SAMD12: variants seen among roughly 807,000 people sequenced by gnomAD.
The protein encoded by SAMD12 is sterile alpha motif domain-containing protein 12.
In SAMD12, 9 loss-of-function variants were observed where a neutral mutation model predicts 15.0. The observed-to-expected ratio is 0.60, with a 90% confidence interval of 0.36 to 1.05. The LOEUF is 1.05. Ranked by LOEUF, SAMD12 falls within the 50% of genes least tolerant of loss-of-function variation. The pLI is 0.01. For synonymous variants in SAMD12, 86 were observed against 90.1 expected, an observed-to-expected ratio of 0.96 and a Z score of 0.25; for missense variants, 230 against 234.2, an observed-to-expected ratio of 0.98 and a Z score of 0.12.
intron 4 of SAMD12, among the ~76,000 whole-genome samples, chr8:118,302,973 G>A (rs1349229884): frequency 2.0e-5 from 3 of 152,176 alleles, no homozygotes; most frequent in Admixed American, 6.5e-5. Flanking sequence ...TTATAAAGCC[G>A]TATGTGATAT....
chr8:118,524,103 C>A (rs1442758130), intron 2 of SAMD12, among the ~76,000 whole-genome samples: 1 of 152,068 alleles, frequency 6.6e-6, no homozygotes, highest in Non-Finnish European at 1.5e-5. Context: ...ATTTTTCTAC[C>A]CCAACCCCAT....
At chr8:118,248,253 A>G (rs912477198) in intron 4 of SAMD12, among the ~76,000 whole-genome samples, 24 of 152,146 alleles carry the variant, frequency 1.6e-4, no homozygotes, top group Non-Finnish European at 4.4e-5. Flanking sequence ...AAACACTACT[A>G]TTCCACTTCT....
chr8:118,389,628 T>C (rs553580865), intron 3 of SAMD12, among the ~76,000 whole-genome samples: 5 of 151,692 alleles, frequency 3.3e-5, no homozygotes. Flanking sequence ...GGCAGGAGAA[T>C]CACTTGAACC....
At chr8:118,611,667 A>C (rs1828114909) in intron 1 of SAMD12, among the ~76,000 whole-genome samples, 1 of 152,220 alleles carries the variant, frequency 6.6e-6, no homozygotes, top group Non-Finnish European at 1.5e-5. Context: ...TTCTCCAAAC[A>C]CAAAAACAAA....
chr8:118,149,088 C>T, the SAMD12 span, among the ~76,000 whole-genome samples: 1 of 152,100 alleles, frequency 6.6e-6, no homozygotes, highest in African/African-American at 2.4e-5. Context: ...TAAATGTATG[C>T]TTAACTTTTT....
chr8:118,342,614 C>T (rs1230680593), intron 4 of SAMD12, among the ~76,000 whole-genome samples: 3 of 152,004 alleles, frequency 2.0e-5, no homozygotes, highest in Admixed American at 6.6e-5. Flanking sequence ...GACTTAATGC[C>T]CCAAAGGAAA....
chr8:118,496,886 A>G (rs541020425), intron 2 of SAMD12, among the ~76,000 whole-genome samples: 38 of 152,196 alleles, frequency 2.5e-4, no homozygotes, highest in African/African-American at 7.7e-4. Context: ...AAAAACCCAA[A>G]TGACCCCATT....
At chr8:118,137,079 T>A in the SAMD12 span, among the ~76,000 whole-genome samples, 4 of 151,754 alleles carry the variant, frequency 2.6e-5, no homozygotes, top group South Asian at 6.2e-4. Context: ...CTCCACAGAG[T>A]GGGAGTGGGC....
intron 2 of SAMD12, among the ~76,000 whole-genome samples, chr8:118,558,938 C>A (rs572705747): frequency 4.6e-5 from 7 of 152,292 alleles, no homozygotes; most frequent in African/African-American, 1.7e-4. Context: ...CGTTGTTCAA[C>A]CAGACTTGTC....
intron 4 of SAMD12, among the ~76,000 whole-genome samples, chr8:118,239,500 A>C (rs377048641): frequency 3.1e-4 from 47 of 152,270 alleles, no homozygotes; most frequent in African/African-American, 1.1e-3. Flanking sequence ...TACATACAAA[A>C]TATTTTGTTC....
downstream of SAMD12, among the ~76,000 whole-genome samples, chr8:118,374,524 A>G (rs1007694340): frequency 1.3e-5 from 2 of 152,102 alleles, no homozygotes; most frequent in African/African-American, 4.8e-5. Context: ...ATCATATGGT[A>G]ACTCTATTTT....
At chr8:118,357,509 G>C (rs1818290335) in intron 4 of SAMD12, among the ~76,000 whole-genome samples, 1 of 152,168 alleles carries the variant, frequency 6.6e-6, no homozygotes, top group African/African-American at 2.4e-5. Context: ...GGGATTATAG[G>C]TGTGAGCCAC....
intron 4 of SAMD12, among the ~76,000 whole-genome samples, chr8:118,249,992 G>A (rs764376520): frequency 1.2e-4 from 18 of 152,078 alleles, no homozygotes; most frequent in East Asian, 3.9e-4. Context: ...TGTTGGGGGC[G>A]GGAATGCATG....
intron 2 of SAMD12, among the ~76,000 whole-genome samples, chr8:118,550,792 T>C (rs1826305752): frequency 6.6e-6 from 1 of 151,434 alleles, no homozygotes; most frequent in Non-Finnish European, 1.5e-5. Context: ...CCATCTCACA[T>C]GCAGAGACAC....
chr8:118,224,300 G>A (rs1042818094), intron 4 of SAMD12, among the ~76,000 whole-genome samples: 1 of 152,164 alleles, frequency 6.6e-6, no homozygotes, highest in African/African-American at 2.4e-5. Flanking sequence ...CACAGGAATT[G>A]TAGGAGTTCA....
At chr8:118,553,098 C>T (rs889921923) in intron 2 of SAMD12, among the ~76,000 whole-genome samples, 6 of 151,628 alleles carry the variant, frequency 4.0e-5, no homozygotes, top group African/African-American at 1.5e-4. Flanking sequence ...TGAAAATGGC[C>T]ATACTGCCCA....
intron 2 of SAMD12, among the ~76,000 whole-genome samples, chr8:118,520,445 T>C (rs1825358002): frequency 6.6e-6 from 1 of 152,204 alleles, no homozygotes; most frequent in Admixed American, 6.5e-5. Flanking sequence ...AAGTCTATTT[T>C]TCTCCGCATT....
intron 2 of SAMD12, among the ~76,000 whole-genome samples, chr8:118,462,612 C>T (rs911348696): frequency 6.6e-6 from 1 of 152,052 alleles, no homozygotes; most frequent in African/African-American, 2.4e-5. Context: ...AAATAGAATC[C>T]TCCACAAAAT....
rs1554624055 is a variant in SAMD12 at position 118,292,349 on chromosome 8, G to GACACACACAGACACACAC, written c.433+87210_433+87211insGTGTGTGTCTGTGTGTGT. On this transcript the variant is annotated intron_variant, in intron 4 of 4. Coordinates refer to the SAMD12 transcript ENST00000409003. ...TAATGTCCAAAACTGCAAACACACA[G>GACACACACAGACACACAC]ACACACACACACACACACACACACA... Among the ~76,000 whole-genome samples, 596 of 137,716 alleles carry GACACACACAGACACACAC rather than the reference G, an allele frequency of 4.3e-3. 5 individuals carry two copies. Among genetic ancestry groups the GACACACACAGACACACAC allele is most frequent in the African/African-American group, 0.015 (543 of 36,272 alleles). 90.3% of individuals were successfully genotyped at this position (137,716 alleles called of 152,430 possible).
Sources: allele counts gnomAD v4.1 joint callset (sites outside exome capture counted in the v4.1 genomes callset), GRCh38; gene constraint gnomAD v4.1.1; transcripts MANE v1.5; gene names NCBI Gene and HGNC (gene_info 2026-07-23, HGNC 2026-07-21).